STYX: variants seen among roughly 807,000 people sequenced by gnomAD.
STYX encodes serine/threonine/tyrosine-interacting protein.
Under a neutral mutation model 42.7 loss-of-function variants are expected in STYX, and 20 were observed. The ratio of observed to expected loss-of-function variants is 0.47; its 90% CI spans 0.33 to 0.68. The LOEUF is 0.68. STYX is among the 30% of genes least tolerant of loss of function. The probability of loss-of-function intolerance (pLI) is 0.02; values close to 1 mark genes in which losing one functional copy is unlikely to be tolerated. For synonymous variants in STYX, 78 were observed against 81.9 expected, an observed-to-expected ratio of 0.95 and a Z score of 0.26; for missense variants, 226 against 268.5, an observed-to-expected ratio of 0.84 and a Z score of 1.11.
chr14:52,736,613 G>T (rs1323112559), intron 1 of STYX, among the ~76,000 whole-genome samples: 1 of 152,082 alleles, frequency 6.6e-6, no homozygotes, highest in Admixed American at 6.6e-5. Flanking sequence ...TCAAAGATAG[G>T]AATTATTTAA....
chr14:52,768,620 C>G (rs576851642), intron 9 of STYX, among the ~76,000 whole-genome samples: 8 of 152,032 alleles, frequency 5.3e-5, no homozygotes, highest in Non-Finnish European at 8.8e-5. Flanking sequence ...GTTCAGCATG[C>G]AGTACCCTAG....
chr14:52,731,327 T>C (rs1445747039), intron 1 of STYX, among the ~76,000 whole-genome samples: 1 of 152,162 alleles, frequency 6.6e-6, no homozygotes, highest in Non-Finnish European at 1.5e-5. Flanking sequence ...ACATCGCTAG[T>C]TAAAAATACC....
Position 52,750,581 on chromosome 14 carries a change from G to C in STYX, c.145-102G>C. 4 of 756,154 alleles carry C rather than the reference G, an allele frequency of 5.3e-6. No individual in the cohort carries two copies. In the South Asian group the frequency reaches 7.2e-5, roughly 14 times the overall value. The allele number at this position is 756,154 out of a possible 1,614,324, so 46.8% of individuals were successfully genotyped here. On this transcript the variant is annotated intron_variant, in intron 3 of 10. Coordinates refer to ENST00000354586, the MANE Select transcript of STYX (RefSeq NM_145251.4). ...TCCCTGGACTTAAGCAGAGATGTGG[G>C]TTCTGTGTATTTTCAAACATCTGTG...
At chr14:52,732,819 C>T (rs1459055208) in intron 1 of STYX, among the ~76,000 whole-genome samples, 1 of 151,776 alleles carries the variant, frequency 6.6e-6, no homozygotes. Context: ...TACAGGCGCC[C>T]GCCACCACTC....
In STYX at chr14:52,757,609, A is replaced by G. The variant is rs370117971; in HGVS notation, c.341-134A>G. 3.4e-5 allele frequency: 29 copies of G among 862,446 alleles called. No individual in the cohort carries two copies. In the East Asian group the frequency reaches 5.6e-4, roughly 17 times the overall value. The allele number at this position is 862,446 out of a possible 1,614,324, so 53.4% of individuals were successfully genotyped here. On this transcript the variant is annotated intron_variant, in intron 6 of 10. Coordinates refer to ENST00000354586, the MANE Select transcript of STYX (RefSeq NM_145251.4). ...CTGCTATATTCTCTACACAGTTGAT[A>G]ATAACAAATTGTAAAGATTTGAAGA...
intron 5 of STYX, among the ~76,000 whole-genome samples, chr14:52,756,926 A>ATC (rs1187804982): frequency 6.6e-6 from 1 of 152,066 alleles, no homozygotes; most frequent in African/African-American, 2.4e-5. Flanking sequence ...ACCTCAGGTG[A>ATC]TCTGCCTGCC....
chr14:52,748,955 T>A (rs1881500021), intron 3 of STYX, among the ~76,000 whole-genome samples: 2 of 152,382 alleles, frequency 1.3e-5, no homozygotes, highest in Middle Eastern at 3.4e-3. Flanking sequence ...TGAATTCTAA[T>A]CTATGCTGAC....
chr14:52,760,461 G>A (rs1882047850), intron 9 of STYX, among the ~76,000 whole-genome samples: 1 of 152,116 alleles, frequency 6.6e-6, no homozygotes, highest in South Asian at 2.1e-4. Flanking sequence ...TGACAAAGAT[G>A]ATAAGTCTAT....
intron 1 of STYX, among the ~76,000 whole-genome samples, chr14:52,739,107 A>G (rs1315648138): frequency 6.7e-6 from 1 of 149,986 alleles, no homozygotes; most frequent in East Asian, 2.0e-4. Context: ...TTTTTGGTAT[A>G]CACTTTTTAA....
chr14:52,742,220 A>G (rs138936215), intron 1 of STYX, among the ~76,000 whole-genome samples: 23 of 152,274 alleles, frequency 1.5e-4, no homozygotes, highest in African/African-American at 5.3e-4. Flanking sequence ...GGACAAGAGT[A>G]CTCACTTCTG....
chr14:52,739,655 T>TTTTTTTC (rs1881107128), intron 1 of STYX, among the ~76,000 whole-genome samples: 1 of 119,214 alleles, frequency 8.4e-6, no homozygotes, highest in African/African-American at 3.2e-5. Context: ...TTTTTTTTTT[T>TTTTTTTC]CGTTGAGATA....
chr14:52,773,047 T>G lies in STYX; in HGVS notation c.*1941T>G. On this transcript the variant is annotated 3_prime_UTR_variant, in exon 11 of 11. Coordinates refer to ENST00000354586, the MANE Select transcript of STYX (RefSeq NM_145251.4). ...ACAGTGTAATAATAATCTATGATGC[T>G]TCATTTAGCAGAAACTCTGCTTAAA... 1 of 152,182 alleles carries G rather than the reference T, an allele frequency of 6.6e-6. No homozygotes were observed. Among genetic ancestry groups the G allele is most frequent in the African/African-American group, 2.4e-5 (1 of 41,426 alleles). 9.4% of individuals were successfully genotyped at this position (152,182 alleles called of 1,614,324 possible).
intron 9 of STYX, among the ~76,000 whole-genome samples, chr14:52,761,102 G>C (rs377197254): frequency 1.3e-5 from 2 of 152,268 alleles, no homozygotes; most frequent in East Asian, 3.9e-4. Context: ...GCCGAGGTGA[G>C]TGGAACACCT....
chr14:52,751,365 C>T (rs1372610067), intron 4 of STYX, among the ~76,000 whole-genome samples: 1 of 152,062 alleles, frequency 6.6e-6, no homozygotes, highest in Non-Finnish European at 1.5e-5. Flanking sequence ...TGGCCTTGTA[C>T]TAATATGTAT....
intron 1 of STYX, among the ~76,000 whole-genome samples, chr14:52,741,032 CATA>C (rs1881168308): frequency 6.6e-6 from 1 of 152,042 alleles, no homozygotes; most frequent in Non-Finnish European, 1.5e-5. Context: ...CTTCACTGAG[CATA>C]ATGTCAATGA....
intron 10 of STYX, 87 bp from the exon 11 acceptor site, chr14:52,770,946 T>C (rs1882486412): frequency 8.3e-7 from 1 of 1,206,606 alleles, no homozygotes; most frequent in Non-Finnish European, 1.2e-6. Flanking sequence ...GTATACATGA[T>C]CACTTAATAA....
chr14:52,749,717 G>A (rs1594871713), intron 3 of STYX, among the ~76,000 whole-genome samples: 1 of 152,232 alleles, frequency 6.6e-6, no homozygotes, highest in South Asian at 2.1e-4. Flanking sequence ...CTTATTATCT[G>A]GTAATTTCTA....
chr14:52,767,827 A>G (rs543710915), intron 9 of STYX, among the ~76,000 whole-genome samples: 9 of 152,334 alleles, frequency 5.9e-5, no homozygotes, highest in Middle Eastern at 6.8e-3. Context: ...CTAGGTATAT[A>G]GGTTTTAAAG....
intron 1 of STYX, among the ~76,000 whole-genome samples, chr14:52,735,103 G>C (rs1175199511): frequency 6.6e-6 from 1 of 151,888 alleles, no homozygotes; most frequent in Non-Finnish European, 1.5e-5. Context: ...GGTGCAGCTA[G>C]TTTCAAGGAT....
Sources: gnomAD v4.1 joint callset for allele counts (sites outside exome capture counted in the v4.1 genomes callset) on GRCh38, gnomAD v4.1.1 for gene constraint, MANE v1.5 for transcripts, NCBI Gene and HGNC (gene_info 2026-07-23, HGNC 2026-07-21) for gene names.